The following RARB variants were observed in gnomAD, a reference collection of about 807,000 sequenced individuals.
The protein encoded by RARB is HBV-activated protein.
In RARB, 17 loss-of-function variants were observed where a neutral mutation model predicts 51.9. That is an observed-to-expected ratio of 0.33 (90% confidence interval 0.22 to 0.49). The LOEUF is 0.49. RARB is among the 20% of genes least tolerant of loss of function. RARB has a pLI of 0.99. For missense variants in RARB, 369 were observed against 550.8 expected (o/e 0.67, Z 3.30); for synonymous variants, 215 against 195.4 (o/e 1.10, Z -0.84).
intron 2 of RARB, among the ~76,000 whole-genome samples, chr3:24,896,776 G>A (rs906099992): frequency 1.6e-4 from 25 of 152,272 alleles, no homozygotes; most frequent in African/African-American, 5.8e-4. Flanking sequence ...AGAGAGTTGT[G>A]TTTGAAACGA....
intron 1 of RARB, among the ~76,000 whole-genome samples, chr3:25,460,582 G>A (rs552498441): frequency 4.1e-4 from 62 of 151,936 alleles, no homozygotes; most frequent in African/African-American, 1.4e-3. Context: ...TGAGTAGCTG[G>A]GATTACAGGC....
At chr3:25,056,388 T>G (rs371925545) in intron 2 of RARB, among the ~76,000 whole-genome samples, 14 of 152,294 alleles carry the variant, frequency 9.2e-5, no homozygotes, top group East Asian at 5.8e-4. Flanking sequence ...AAGTATATTT[T>G]GTGAACATAA....
intron 2 of RARB, among the ~76,000 whole-genome samples, chr3:25,041,024 A>G (rs1005120879): frequency 6.6e-6 from 1 of 152,218 alleles, no homozygotes; most frequent in African/African-American, 2.4e-5. Flanking sequence ...AGAAGGTACT[A>G]CAAAAGTATC....
rs554778561 is a variant in RARB at position 25,460,696 on chromosome 3, C to T, written c.158-497C>T. ...CTCCTGACCTCAGGTGATCCCCCTG[C>T]CTCAGCCTCCCAAAGTGCTAGGATT... On this transcript the variant is annotated intron_variant, in intron 1 of 7. Coordinates refer to ENST00000330688, the MANE Select transcript of RARB (RefSeq NM_000965.5). Among the ~76,000 whole-genome samples, 40 of 152,220 alleles carry T rather than the reference C, an allele frequency of 2.6e-4. 1 individual carries two copies. The highest frequency in any genetic ancestry group is 9.4e-4 in the African/African-American group (39 of 41,542).
intron 5 of RARB, among the ~76,000 whole-genome samples, chr3:25,327,668 G>C (rs959112116): frequency 1.3e-5 from 2 of 152,162 alleles, no homozygotes; most frequent in Non-Finnish European, 2.9e-5. Context: ...AAACAGAAAG[G>C]ATTCATGAAA....
At chr3:25,073,450 A>G (rs1698810916) in intron 3 of RARB, among the ~76,000 whole-genome samples, 2 of 152,234 alleles carry the variant, frequency 1.3e-5, no homozygotes, top group South Asian at 4.1e-4. Flanking sequence ...AAGCCTTTCA[A>G]AATAGGTTCC....
chr3:24,930,656 T>A (rs1695419406), intron 2 of RARB, among the ~76,000 whole-genome samples: 2 of 152,176 alleles, frequency 1.3e-5, no homozygotes, highest in South Asian at 4.1e-4. Flanking sequence ...GGTTCCAAAT[T>A]CTTTTCAAAT....
At chr3:25,132,346 T>C (rs1699967378) in intron 4 of RARB, among the ~76,000 whole-genome samples, 1 of 151,916 alleles carries the variant, frequency 6.6e-6, no homozygotes, top group Non-Finnish European at 1.5e-5. Flanking sequence ...CATGATATTA[T>C]TGCATTTGAA....
chr3:25,347,122 A>T (rs1435326990), intron 5 of RARB, among the ~76,000 whole-genome samples: 1 of 152,168 alleles, frequency 6.6e-6, no homozygotes, highest in Non-Finnish European at 1.5e-5. Flanking sequence ...GACACCATGG[A>T]TTTTCCCCCA....
chr3:25,359,486 C>G (rs932177720), intron 5 of RARB, among the ~76,000 whole-genome samples: 11 of 151,702 alleles, frequency 7.3e-5, no homozygotes, highest in African/African-American at 2.7e-4. Flanking sequence ...CAGTTCTGCT[C>G]TGACTTTAGT....
At chr3:25,416,841 G>C (rs1005432514) in intron 5 of RARB, among the ~76,000 whole-genome samples, 3 of 152,194 alleles carry the variant, frequency 2.0e-5, no homozygotes, top group African/African-American at 4.8e-5. Flanking sequence ...GGGGCACTCA[G>C]CAATGTGTTT....
chr3:24,983,752 T>C (rs1696727608), intron 2 of RARB, among the ~76,000 whole-genome samples: 1 of 152,124 alleles, frequency 6.6e-6, no homozygotes, highest in African/African-American at 2.4e-5. Context: ...TTCTCCTCTA[T>C]GACCTCAGCA....
chr3:25,149,029 C>G (rs1700239939), intron 4 of RARB, among the ~76,000 whole-genome samples: 1 of 152,138 alleles, frequency 6.6e-6, no homozygotes, highest in Non-Finnish European at 1.5e-5. Flanking sequence ...GCTAAGGAGT[C>G]AGACTGGAAA....
chr3:25,050,215 T>C (rs2125299256), intron 2 of RARB, among the ~76,000 whole-genome samples: 1 of 152,298 alleles, frequency 6.6e-6, no homozygotes, highest in Non-Finnish European at 1.5e-5. Context: ...CCTAAAAATC[T>C]GTGCTTCTCC....
intron 5 of RARB, among the ~76,000 whole-genome samples, chr3:25,203,045 C>T (rs910500305): frequency 6.6e-6 from 1 of 151,816 alleles, no homozygotes; most frequent in Admixed American, 6.6e-5. Context: ...TGTTAGTTTC[C>T]ATTATTATAC....
At chr3:25,024,953 C>CAG (rs1491366822) in intron 2 of RARB, 23 of 79,044 alleles carry the variant, frequency 2.9e-4, no homozygotes, top group Admixed American at 9.8e-4. Flanking sequence ...GACTCCGTCT[C>CAG]AAAAAAAAAA....
intron 2 of RARB, among the ~76,000 whole-genome samples, chr3:24,908,869 C>T (rs1381441338): frequency 6.6e-6 from 1 of 151,988 alleles, no homozygotes; most frequent in African/African-American, 2.4e-5. Flanking sequence ...AGTTTCCATG[C>T]CTTGACCCAC....
At chr3:25,425,938 G>C (rs1707975753), upstream of RARB, among the ~76,000 whole-genome samples, 1 of 152,194 alleles carries the variant, frequency 6.6e-6, no homozygotes, top group African/African-American at 2.4e-5. Context: ...ATACCTGTCA[G>C]TGATGCCATG....
chr3:25,062,216 G>A (rs114731357), intron 3 of RARB, among the ~76,000 whole-genome samples: 3 of 151,516 alleles, frequency 2.0e-5, no homozygotes, highest in African/African-American at 7.3e-5. Context: ...AAATAGCGAC[G>A]GCCAGTAAAG....
Sources: allele counts gnomAD v4.1 joint callset (sites outside exome capture counted in the v4.1 genomes callset), GRCh38; gene constraint gnomAD v4.1.1; transcripts MANE v1.5; gene names NCBI Gene and HGNC (gene_info 2026-07-23, HGNC 2026-07-21).